The following RIMBP2 variants were observed in gnomAD, a reference collection of about 807,000 sequenced individuals.
The protein encoded by RIMBP2 is RIMS binding protein 2.
Under a neutral mutation model 118.6 loss-of-function variants are expected in RIMBP2, and 48 were observed. That is an observed-to-expected ratio of 0.40 (90% confidence interval 0.32 to 0.51). The LOEUF (loss-of-function observed/expected upper bound fraction) is 0.51, where lower values mean the gene tolerates loss of function less well. Ranked by LOEUF, RIMBP2 falls within the 20% of genes least tolerant of loss-of-function variation. The probability of loss-of-function intolerance (pLI) is 0.41; values close to 1 mark genes in which losing one functional copy is unlikely to be tolerated. For missense variants in RIMBP2, 1,551 were observed against 1,768.3 expected, an observed-to-expected ratio of 0.88 and a Z score of 2.20; for synonymous variants, 762 against 742.9, an observed-to-expected ratio of 1.03 and a Z score of -0.42.
intron 2 of RIMBP2, among the ~76,000 whole-genome samples, chr12:130,606,185 T>TA (rs1273701796): frequency 6.6e-6 from 1 of 151,852 alleles, no homozygotes; most frequent in African/African-American, 2.4e-5. Flanking sequence ...AAATAAAAAA[T>TA]AAAAAAAGAT....
At chr12:130,459,117 A>C (rs576335133) in intron 6 of RIMBP2, among the ~76,000 whole-genome samples, 58 of 152,096 alleles carry the variant, frequency 3.8e-4, no homozygotes, top group African/African-American at 1.4e-3. Context: ...AAATTATAGC[A>C]ATAAAGAACA....
chr12:130,456,285 G>T (rs1593367263), intron 7 of RIMBP2, among the ~76,000 whole-genome samples: 1 of 152,260 alleles, frequency 6.6e-6, no homozygotes, highest in African/African-American at 2.4e-5. Context: ...AAATGTGTGG[G>T]TCCCACATTT....
At chr12:130,487,474 C>G (rs569310148) in intron 4 of RIMBP2, among the ~76,000 whole-genome samples, 38 of 152,326 alleles carry the variant, frequency 2.5e-4, no homozygotes, top group Non-Finnish European at 5.1e-4. Context: ...TGCACCTGCT[C>G]CCACTTTGCC....
chr12:130,636,243 CCTCT>C (rs1414187722), intron 1 of RIMBP2, among the ~76,000 whole-genome samples: 2 of 152,158 alleles, frequency 1.3e-5, no homozygotes, highest in Admixed American at 6.5e-5. Flanking sequence ...GGAAGCCCTC[CCTCT>C]AAGACCTTTC....
At chr12:130,674,279 T>C (rs1193953044) in intron 1 of RIMBP2, among the ~76,000 whole-genome samples, 1 of 152,190 alleles carries the variant, frequency 6.6e-6, no homozygotes, top group African/African-American at 2.4e-5. Context: ...AAAAGTTTCT[T>C]AAGGCCTCCC....
At chr12:130,399,657 A>G (rs2292669) in intron 22 of RIMBP2, 22 bp downstream of exon 22, 161,216 of 1,612,772 alleles carry the variant, frequency 0.1, 9,442 homozygotes, top group South Asian at 0.21. Flanking sequence ...AGAGATTAAA[A>G]AGGCTAAATA....
At chr12:130,410,079 C>A (rs927335367) in intron 19 of RIMBP2, among the ~76,000 whole-genome samples, 1 of 152,230 alleles carries the variant, frequency 6.6e-6, no homozygotes, top group Non-Finnish European at 1.5e-5. Flanking sequence ...TTAATCTTAG[C>A]CATTCTCAGT....
At chr12:130,652,370 A>G (rs956158631) in intron 1 of RIMBP2, among the ~76,000 whole-genome samples, 1 of 152,228 alleles carries the variant, frequency 6.6e-6, no homozygotes, top group Non-Finnish European at 1.5e-5. Flanking sequence ...CATGTTTACC[A>G]TCTGACTTTT....
intron 2 of RIMBP2, among the ~76,000 whole-genome samples, chr12:130,582,064 A>G (rs2058517145): frequency 1.3e-5 from 2 of 152,018 alleles, no homozygotes; most frequent in African/African-American, 4.8e-5. Flanking sequence ...CACCCACGTA[A>G]GGTCTTTCAG....
rs1566296741 is a variant in RIMBP2, at chr12:130,578,112, C to T, written c.-217+50210G>A. Among the ~76,000 whole-genome samples, 1 of 152,206 alleles carries T rather than the reference C, an allele frequency of 6.6e-6. No homozygotes were observed. The highest frequency in any genetic ancestry group is 1.5e-5 in the Non-Finnish European group (1 of 68,046). ...ATTAAGCCATTATCACCCAGTAGCA[C>T]ACTGTGGCAAATTATTCACAGGATT... On this transcript the variant is annotated intron_variant, in intron 2 of 22. Transcript: ENST00000690449. The surrounding 1 kb of genome is among the most constrained non-coding windows in gnomAD (Gnocchi z 4.1).
intron 20 of RIMBP2, among the ~76,000 whole-genome samples, chr12:130,406,466 G>C (rs992523601): frequency 3.3e-5 from 5 of 152,282 alleles, no homozygotes; most frequent in African/African-American, 1.2e-4. Context: ...ATGCTGCAGT[G>C]CTTTGATTTT....
At chr12:130,453,572 C>A (rs756504980) in intron 7 of RIMBP2, among the ~76,000 whole-genome samples, 1 of 152,352 alleles carries the variant, frequency 6.6e-6, no homozygotes, top group South Asian at 2.1e-4. Flanking sequence ...CGTGGAGTAA[C>A]CCAGGCACAG....
At chr12:130,454,086 T>C (rs529315421) in intron 7 of RIMBP2, among the ~76,000 whole-genome samples, 2 of 152,006 alleles carry the variant, frequency 1.3e-5, no homozygotes, top group Non-Finnish European at 2.9e-5. Flanking sequence ...AAATGCTGGA[T>C]TATAGACTTG....
Position 130,437,161 on chromosome 12 carries a change from G to A in RIMBP2, c.1787C>T (p.Ala596Val), listed in dbSNP as rs2077585076. ...CACCAGGAGCTCGGGGGGAACGGCA[G>A]CAACTGCAGAGTCCACGGACTCGCC... ...AQGESVDSAV[A>V]AVPPELLVPP... The change falls in exon 13 of 23, where the codon GCT (alanine) becomes GTT (valine). Residue 596 changes from alanine to valine, a missense_variant. Ala to Val is a moderately conservative substitution (Grantham distance 64, BLOSUM62 0). This residue lies in a region of RIMBP2 where 1,038 missense variants were observed against 1,125.1 expected (regional missense o/e 0.92). Transcript: ENST00000690449. The A allele has an allele frequency of 6.3e-7, 1 of 1,588,188 alleles. No individual in the cohort carries two copies. The highest frequency in any genetic ancestry group is 8.6e-7 in the Non-Finnish European group (1 of 1,167,674).
At chr12:130,491,697 C>G (rs959174000) in intron 4 of RIMBP2, among the ~76,000 whole-genome samples, 1 of 152,186 alleles carries the variant, frequency 6.6e-6, no homozygotes, top group African/African-American at 2.4e-5. Context: ...GAGACAGAAT[C>G]CCACCACACC....
intron 2 of RIMBP2, among the ~76,000 whole-genome samples, chr12:130,590,069 A>G (rs2059158919): frequency 6.6e-6 from 1 of 152,176 alleles, no homozygotes; most frequent in Admixed American, 6.5e-5. Flanking sequence ...AATTCATTAC[A>G]TCTTTACAGG....
At chr12:130,704,704 C>A (rs1208701552) in intron 1 of RIMBP2, among the ~76,000 whole-genome samples, 1 of 152,160 alleles carries the variant, frequency 6.6e-6, no homozygotes, top group Non-Finnish European at 1.5e-5. Flanking sequence ...GGACTCATAA[C>A]CCCTCGCCCT....
At chr12:130,682,379 C>T (rs548132714) in intron 1 of RIMBP2, among the ~76,000 whole-genome samples, 11 of 152,358 alleles carry the variant, frequency 7.2e-5, no homozygotes, top group African/African-American at 2.6e-4. Flanking sequence ...AAGCCACTCA[C>T]TGACCATTGC....
In RIMBP2 at chr12:130,434,643, G is replaced by C; in HGVS notation, c.2253+91C>G. 2.9e-6 allele frequency: 4 copies of C among 1,366,668 alleles called. No individual in the cohort carries two copies. The highest frequency in any genetic ancestry group is 3.9e-6 in the Non-Finnish European group (4 of 1,022,796). The allele number at this position is 1,366,668 out of a possible 1,614,324, so 84.7% of individuals were successfully genotyped here. A position where few individuals can be genotyped will look rare whatever the true frequency, so the allele number is the denominator to read the frequency against. On this transcript the variant is annotated intron_variant, in intron 14 of 22. Transcript: ENST00000690449. This position sits in a 1 kb window ranked among gnomAD's most constrained non-coding sequence, Gnocchi z 5.7. ...TCTCTCTCAGGGACCCAAGGGTAGC[G>C]GGGAAAGTGCCCATGTCTCTTGATC...
Sources: allele counts gnomAD v4.1 joint callset (sites outside exome capture counted in the v4.1 genomes callset), GRCh38; gene constraint gnomAD v4.1.1; regional missense constraint gnomAD v4.1.1; non-coding constraint Gnocchi (gnomAD v3.1); transcripts MANE v1.5; gene names NCBI Gene and HGNC (gene_info 2026-07-23, HGNC 2026-07-21).